Variants in LGR6 observed in about 807,000 individuals in gnomAD.
The protein encoded by LGR6 is leucine rich repeat containing G protein-coupled receptor 6, also known as leucine-rich repeat-containing G protein-coupled receptor 6.
In LGR6, 45 loss-of-function variants were observed where a neutral mutation model predicts 69.4. That is an observed-to-expected ratio of 0.65 (90% CI 0.51 to 0.83). LGR6 has a LOEUF of 0.83. LGR6 is among the 40% of genes least tolerant of loss of function. LGR6 has a pLI of 0.00. For missense variants in LGR6, 1,108 were observed against 1,246.7 expected (o/e 0.89, Z 1.68); for synonymous variants, 538 against 555.0 (o/e 0.97, Z 0.43).
In LGR6 at chr1:202,274,076, G is replaced by A. The variant is rs542400204; in HGVS notation, c.429-2230G>A. ...TGGGCATCTGCAGACGGGGGAAAGC[G>A]GGAGGTGAGAGCCCTCACCACAATA... On this transcript the variant is annotated intron_variant, in intron 4 of 17. Coordinates refer to ENST00000367278, the MANE Select transcript of LGR6 (RefSeq NM_001017403.2). Among the ~76,000 whole-genome samples the A allele has an allele frequency of 5.3e-5, 8 of 152,200 alleles. No homozygotes were observed. The East Asian group carries it at 1.2e-3, about 22-fold the overall frequency.
rs776312914 is a variant in LGR6, at chr1:202,304,555, G to T, written c.999-4G>T. On this transcript the variant is annotated splice_polypyrimidine_tract_variant and splice_region_variant and intron_variant, in intron 10 of 17. Coordinates refer to ENST00000367278, the MANE Select transcript of LGR6 (RefSeq NM_001017403.2). ...TGCCAGCTCTGTCTCTGTTCTCCCT[G>T]CAGGACCCTGACCCGCGCAGGCATC... is the stretch of plus-strand genomic sequence containing the variant. The T allele has an allele frequency of 1.9e-6, 3 of 1,600,678 alleles. No individual in the cohort carries two copies. Among genetic ancestry groups the T allele is most frequent in the Non-Finnish European group, 1.7e-6 (2 of 1,169,986 alleles).
intron 4 of LGR6, among the ~76,000 whole-genome samples, chr1:202,274,933 T>A (rs772367575): frequency 2.6e-5 from 4 of 152,156 alleles, no homozygotes; most frequent in Non-Finnish European, 5.9e-5. Context: ...AAGACTTCAG[T>A]GTTGGCCTAT....
At chr1:202,275,168 G>A (rs1665442206) in intron 4 of LGR6, among the ~76,000 whole-genome samples, 1 of 152,192 alleles carries the variant, frequency 6.6e-6, no homozygotes, top group Non-Finnish European at 1.5e-5. Flanking sequence ...TAGGGCCTTT[G>A]TGGGTAAGGC....
intron 4 of LGR6, among the ~76,000 whole-genome samples, chr1:202,275,852 G>T (rs1309541614): frequency 6.6e-6 from 1 of 152,162 alleles, no homozygotes. Context: ...GAGAGCAAGG[G>T]TAATATGGCA....
intron 4 of LGR6, among the ~76,000 whole-genome samples, chr1:202,263,406 G>A (rs1232774230): frequency 6.6e-6 from 1 of 152,124 alleles, no homozygotes; most frequent in African/African-American, 2.4e-5. Flanking sequence ...TTACCCACAT[G>A]AGCCACCGCG....
At chr1:202,207,964 T>C (rs536605792) in intron 1 of LGR6, among the ~76,000 whole-genome samples, 221 of 152,314 alleles carry the variant, frequency 1.5e-3, no homozygotes, top group Non-Finnish European at 9.7e-4. Context: ...GCTGTGGAGA[T>C]AAATTCTTAG....
intron 4 of LGR6, among the ~76,000 whole-genome samples, chr1:202,257,154 G>C (rs1170893317): frequency 6.6e-6 from 1 of 151,068 alleles, no homozygotes; most frequent in Non-Finnish European, 1.5e-5. Flanking sequence ...CTCCCATTCT[G>C]TCTTTTGTCT....
chr1:202,231,880 G>A (rs6657423), intron 3 of LGR6, among the ~76,000 whole-genome samples: 2,915 of 152,230 alleles, frequency 0.019, 108 homozygotes, highest in African/African-American at 0.067. Flanking sequence ...ATAACCTGAG[G>A]TCAGAAGTTC....
At chr1:202,276,763 AC>A (rs1189625932) in intron 5 of LGR6, among the ~76,000 whole-genome samples, 2 of 152,244 alleles carry the variant, frequency 1.3e-5, no homozygotes, top group Non-Finnish European at 2.9e-5. Flanking sequence ...GGGCCAGGGT[AC>A]TATAATCAGA....
intron 4 of LGR6, among the ~76,000 whole-genome samples, chr1:202,257,958 G>T (rs960641983): frequency 6.6e-6 from 1 of 151,982 alleles, no homozygotes; most frequent in African/African-American, 2.4e-5. Flanking sequence ...GATATTTTCC[G>T]ATTTATTTAG....
intron 1 of LGR6, among the ~76,000 whole-genome samples, chr1:202,211,707 C>G (rs918345989): frequency 3.3e-5 from 5 of 152,070 alleles, no homozygotes; most frequent in South Asian, 2.1e-4. Flanking sequence ...AATAGAAAAG[C>G]GTACATATCA....
intron 1 of LGR6, chr1:202,196,938 G>A (rs1658661762): frequency 8.4e-6 from 4 of 473,824 alleles, no homozygotes; most frequent in Admixed American, 4.9e-5. Flanking sequence ...AAAATTGGGG[G>A]TTGGGGATCG....
rs1343929910 is a variant in LGR6, at chr1:202,296,572, T to G, written c.717-936T>G. Among the ~76,000 whole-genome samples, 6 of 152,344 alleles carry G rather than the reference T, an allele frequency of 3.9e-5. No individual in the cohort carries two copies. In the East Asian group the frequency reaches 1.2e-3, roughly 29 times the overall value. On this transcript the variant is annotated intron_variant, in intron 6 of 17. Transcript: ENST00000367278. ...GTCACAGGCAATTCTAAATCTTTTC[T>G]GATGAAAATAAAAGTTGCCCTCGGC...
intron 7 of LGR6, among the ~76,000 whole-genome samples, chr1:202,297,833 G>GA (rs1667276801): frequency 6.6e-6 from 1 of 152,204 alleles, no homozygotes; most frequent in Non-Finnish European, 1.5e-5. Flanking sequence ...TCCAGCCTGG[G>GA]AAAACCCATG....
At chr1:202,220,586 TA>T (rs1189128168) in intron 1 of LGR6, among the ~76,000 whole-genome samples, 1 of 152,100 alleles carries the variant, frequency 6.6e-6, no homozygotes, top group African/African-American at 2.4e-5. Context: ...AATGGAGACT[TA>T]GAGATGGGAA....
chr1:202,278,531 G>A (rs1665765195), intron 5 of LGR6, among the ~76,000 whole-genome samples: 1 of 152,108 alleles, frequency 6.6e-6, no homozygotes, highest in Admixed American at 6.5e-5. Context: ...CATGGGGAGA[G>A]GTTAGAAACA....
intron 1 of LGR6, among the ~76,000 whole-genome samples, chr1:202,198,340 C>G (rs1219758042): frequency 6.6e-6 from 1 of 152,232 alleles, no homozygotes; most frequent in African/African-American, 2.4e-5. Context: ...GTTTCCTCAC[C>G]TGTAAACAGG....
chr1:202,319,027 G>A lies in LGR6; in HGVS notation c.2724G>A (p.Gly908=), dbSNP rs1654420077. 1 of 1,614,112 alleles carries A rather than the reference G, an allele frequency of 6.2e-7. No individual in the cohort carries two copies. Among genetic ancestry groups the A allele is most frequent in the African/African-American group, 1.3e-5 (1 of 75,030 alleles). Residue 908 remains glycine (G), a synonymous_variant, in exon 18 of 18, where the codon GGG becomes GGA. Coordinates refer to ENST00000367278, the MANE Select transcript of LGR6 (RefSeq NM_001017403.2). ...CCCTCATCTCCTGTCAGCAGCCAGG[G>A]GCCCCCAGGCTGGAGGGCAGCCATT... is the stretch of plus-strand genomic sequence containing the variant. The part of the protein sequence containing the change: ...SVTLISCQQP[G]APRLEGSHCV...
chr1:202,225,455 A>G lies in LGR6; in HGVS notation c.245A>G (p.Gln82Arg). 6.2e-7 allele frequency: 1 copy of G among 1,613,976 alleles called. No homozygotes were observed. The highest frequency in any genetic ancestry group is 8.5e-7 in the Non-Finnish European group (1 of 1,179,888). ...DLSMNNLTEL[Q>R]PGLFHHLRFL... ...AGCATGAACAACCTCACAGAGCTTC[A>G]GCCTGGCCTCTTCCACCACCTGCGC... Residue 82 changes from glutamine to arginine, a missense_variant, in exon 2 of 18, where the codon CAG (glutamine) becomes CGG (arginine). Physicochemically the swap from Gln to Arg is conservative, Grantham distance 43. Coordinates refer to ENST00000367278, the MANE Select transcript of LGR6 (RefSeq NM_001017403.2).
Sources: gnomAD v4.1 joint callset for allele counts (sites outside exome capture counted in the v4.1 genomes callset) on GRCh38, gnomAD v4.1.1 for gene constraint, MANE v1.5 for transcripts, NCBI Gene and HGNC (gene_info 2026-07-23, HGNC 2026-07-21) for gene names.